AFAP1L2: variants seen among roughly 807,000 people sequenced by gnomAD.
AFAP1L2 encodes the protein actin filament-associated protein 1-like 2.
Under a neutral mutation model 99.3 loss-of-function variants are expected in AFAP1L2, and 46 were observed. The ratio of observed to expected loss-of-function variants is 0.46; its 90% CI spans 0.37 to 0.59. The LOEUF is 0.59. Among genes scored for constraint, AFAP1L2 ranks in the 20% least tolerant of loss-of-function variants. The pLI is 0.00. For missense variants in AFAP1L2, 959 were observed against 1,034.9 expected (o/e 0.93, Z 1.01); for synonymous variants, 397 against 419.1 (o/e 0.95, Z 0.64).
chr10:114,357,737 A>G (rs1267449208), intron 1 of AFAP1L2, among the ~76,000 whole-genome samples: 2 of 152,240 alleles, frequency 1.3e-5, no homozygotes, highest in African/African-American at 2.4e-5. Context: ...GTTTGCATTA[A>G]TGTAGCTGTG....
chr10:114,342,781 T>A (rs746333413), intron 1 of AFAP1L2, among the ~76,000 whole-genome samples: 34 of 152,242 alleles, frequency 2.2e-4, no homozygotes, highest in Admixed American at 3.3e-4. Flanking sequence ...GAGTTCGTGT[T>A]GCTTTATGTC....
chr10:114,291,076 G>A (rs1029551438), downstream of AFAP1L2: 9 of 953,464 alleles, frequency 9.4e-6, no homozygotes, highest in Non-Finnish European at 1.5e-5. Context: ...TAATCACATG[G>A]GGTCTCTAAT....
At chr10:114,333,186 C>T (rs192751362) in intron 3 of AFAP1L2, 35 bp downstream of exon 3, 5 of 1,584,386 alleles carry the variant, frequency 3.2e-6, no homozygotes, top group Non-Finnish European at 4.3e-6. Context: ...CCAGGAGTGG[C>T]CATCATACCA....
At chr10:114,320,518 A>G (rs1352012308) in intron 5 of AFAP1L2, among the ~76,000 whole-genome samples, 1 of 152,154 alleles carries the variant, frequency 6.6e-6, no homozygotes, top group Non-Finnish European at 1.5e-5. Context: ...CTTCTCCCCA[A>G]GTCATCCCCA....
intron 1 of AFAP1L2, chr10:114,399,019 C>G (rs1024228008): frequency 1.1e-4 from 98 of 867,454 alleles, no homozygotes; most frequent in Non-Finnish European, 1.3e-4. Flanking sequence ...TTTTTGTGAA[C>G]CAGGTCTGTT....
At chr10:114,375,131 A>C (rs2054627575) in intron 1 of AFAP1L2, among the ~76,000 whole-genome samples, 1 of 152,196 alleles carries the variant, frequency 6.6e-6, no homozygotes, top group African/African-American at 2.4e-5. Context: ...TAAATGACTG[A>C]GGAAAATCAA....
chr10:114,332,717 G>T (rs2047416367), intron 3 of AFAP1L2, among the ~76,000 whole-genome samples: 1 of 152,254 alleles, frequency 6.6e-6, no homozygotes, highest in Non-Finnish European at 1.5e-5. Flanking sequence ...GAGCAGAACA[G>T]AGCAGAAGAG....
chr10:114,290,708 G>A (rs2039503315), downstream of AFAP1L2, among the ~76,000 whole-genome samples: 1 of 142,592 alleles, frequency 7.0e-6, no homozygotes, highest in Non-Finnish European at 1.5e-5. Context: ...CCACAGTTAG[G>A]AGCACAGTAG....
intron 11 of AFAP1L2, among the ~76,000 whole-genome samples, chr10:114,303,004 C>A (rs973464647): frequency 2.6e-5 from 4 of 152,116 alleles, no homozygotes; most frequent in Non-Finnish European, 5.9e-5. Context: ...CTTTTAAATA[C>A]CTTACACTAG....
intron 18 of AFAP1L2, 56 bp from the exon 19 acceptor site, chr10:114,296,124 T>G: frequency 1.2e-6 from 2 of 1,610,988 alleles, no homozygotes; most frequent in Non-Finnish European, 8.5e-7. Flanking sequence ...TAGTTAGTTA[T>G]CCACTGTAGC....
intron 17 of AFAP1L2, 33 bp from the exon 18 acceptor site, chr10:114,297,133 C>G (rs762387214): frequency 1.9e-6 from 3 of 1,612,538 alleles, no homozygotes; most frequent in Non-Finnish European, 2.5e-6. Context: ...AGGGCTGAGT[C>G]AAGGGGAGGG....
At chr10:114,324,641 T>A (rs1241221443) in intron 4 of AFAP1L2, among the ~76,000 whole-genome samples, 1 of 152,214 alleles carries the variant, frequency 6.6e-6, no homozygotes, top group African/African-American at 2.4e-5. Flanking sequence ...CTCCCACTCT[T>A]GATTTTGAGA....
At chr10:114,288,971 T>C in the AFAP1L2 span, 56 of 1,613,356 alleles carry the variant, frequency 3.5e-5, no homozygotes, top group Middle Eastern at 8.2e-4. Context: ...CTCGTCTTCA[T>C]GTTGGACACC....
In AFAP1L2 at chr10:114,392,030, G is replaced by C. The variant is rs186902233; in HGVS notation, c.16+12410C>G. On this transcript the variant is annotated intron_variant, in intron 1 of 18. Transcript: ENST00000304129. The stretch of plus-strand genomic sequence containing the variant: ...ACAGGTCCTGGTTCAGGGGTCTCAA[G>C]AAATCTAGGCTTATCTTAGCTAGGA... 1.2e-3 allele frequency among the ~76,000 whole-genome samples: 189 copies of C among 152,282 alleles called. 1 individual carries two copies. The highest frequency in any genetic ancestry group is 4.3e-3 in the African/African-American group (177 of 41,548).
rs117669459 is a variant in AFAP1L2, at chr10:114,395,050, C to T, written c.16+9390G>A. On this transcript the variant is annotated intron_variant, in intron 1 of 18. Transcript: ENST00000304129. ...TAAAACATGCCAAAGACATGTGATC[C>T]AACTCTGCCATGTCAGTCAAGGACC... is the stretch of plus-strand genomic sequence containing the variant. Among the ~76,000 whole-genome samples the T allele has an allele frequency of 1.8e-4, 27 of 152,268 alleles. 1 individual carries two copies. The East Asian group carries it at 4.8e-3, about 27-fold the overall frequency.
rs748270612 is a variant in AFAP1L2 at position 114,304,864 on chromosome 10, A to T, written c.1139T>A (p.Leu380Gln). ...SRWCSVRDNH[L>Q]HFYQDRNRSK... ...CCGGTTCCGGTCCTGGTAGAAGTGCAGGTGATTGTCCCTGACAGAGCACCA... is the reference window on the plus strand; with the variant it reads ...CCGGTTCCGGTCCTGGTAGAAGTGCTGGTGATTGTCCCTGACAGAGCACCA... The change falls in exon 11 of 19, where the codon CTG (leucine) becomes CAG (glutamine). Residue 380 changes from leucine to glutamine, a missense_variant. This residue lies in a region of AFAP1L2 where 576 missense variants were observed against 562.1 expected (regional missense o/e 1.02). Transcript: ENST00000304129. 4 of 1,613,478 alleles carry T rather than the reference A, an allele frequency of 2.5e-6. No individual in the cohort carries two copies. Among genetic ancestry groups the T allele is most frequent in the Non-Finnish European group, 2.5e-6 (3 of 1,180,032 alleles).
At chr10:114,352,787 C>T (rs1197803190) in intron 1 of AFAP1L2, among the ~76,000 whole-genome samples, 1 of 152,248 alleles carries the variant, frequency 6.6e-6, no homozygotes, top group African/African-American at 2.4e-5. Flanking sequence ...TTTTCTCCAT[C>T]CTTCTGCCTG....
At chr10:114,338,463 G>A (rs1254447951) in intron 2 of AFAP1L2, among the ~76,000 whole-genome samples, 1 of 152,206 alleles carries the variant, frequency 6.6e-6, no homozygotes, top group African/African-American at 2.4e-5. Flanking sequence ...AAAACCATAT[G>A]TCCACAAGAC....
Position 114,295,016 on chromosome 10 carries a change from T to TTAA in AFAP1L2, c.*1025_*1026insTTA, listed in dbSNP as rs1554868264. The TTAA allele has an allele frequency of 1.3e-4, 117 of 884,408 alleles. No homozygotes were observed. The Middle Eastern group carries it at 1.7e-3, about 13-fold the overall frequency. The allele number at this position is 884,408 out of a possible 1,614,324, so 54.8% of individuals were successfully genotyped here. A position where few individuals can be genotyped will look rare whatever the true frequency, so the allele number is the denominator to read the frequency against. ...ATAGATGAAATGTTTCAACCTGTGTTAAAAAAAAAAAAAAAAAAATGCCAT... is the reference window on the plus strand; with the variant it reads ...ATAGATGAAATGTTTCAACCTGTGTTTAAAAAAAAAAAAAAAAAAAAATGCCAT... On this transcript the variant is annotated 3_prime_UTR_variant, in exon 19 of 19. Transcript: ENST00000304129.
Sources: allele counts gnomAD v4.1 joint callset (sites outside exome capture counted in the v4.1 genomes callset), GRCh38; gene constraint gnomAD v4.1.1; regional missense constraint gnomAD v4.1.1; transcripts MANE v1.5; gene names NCBI Gene and HGNC (gene_info 2026-07-23, HGNC 2026-07-21).